Variants in PHF20 observed in about 807,000 individuals in gnomAD.
PHF20 encodes the protein PHD finger protein 20.
A neutral mutation model predicts 113.5 loss-of-function variants in PHF20; 23 were observed. The ratio of observed to expected loss-of-function variants is 0.20; its 90% CI spans 0.15 to 0.29. PHF20 has a LOEUF of 0.29. Ranked by LOEUF, PHF20 falls within the 10% of genes least tolerant of loss-of-function variation. The probability of loss-of-function intolerance (pLI) is 1.00; values close to 1 mark genes in which losing one functional copy is unlikely to be tolerated. For synonymous variants in PHF20, 434 were observed against 457.3 expected (o/e 0.95, Z 0.65); for missense variants, 943 against 1,219.6 (o/e 0.77, Z 3.38).
At chr20:35,946,640 A>C (rs2056087942) in intron 17 of PHF20, among the ~76,000 whole-genome samples, 1 of 149,948 alleles carries the variant, frequency 6.7e-6, no homozygotes, top group African/African-American at 2.4e-5. Flanking sequence ...CAACATGGGA[A>C]AGCTTTTTAT....
chr20:35,875,830 G>GA (rs2054511914), intron 9 of PHF20, among the ~76,000 whole-genome samples: 1 of 152,184 alleles, frequency 6.6e-6, no homozygotes, highest in South Asian at 2.1e-4. Flanking sequence ...GCATATAAGT[G>GA]AGGAGACTAG....
chr20:35,810,654 T>C (rs1441175148), intron 2 of PHF20, among the ~76,000 whole-genome samples: 3 of 152,156 alleles, frequency 2.0e-5, no homozygotes, highest in Non-Finnish European at 4.4e-5. Flanking sequence ...CAAAGTAGAC[T>C]GAGTTCATAG....
intron 3 of PHF20, among the ~76,000 whole-genome samples, chr20:35,846,046 C>A (rs915653042): frequency 6.6e-6 from 1 of 151,494 alleles, no homozygotes; most frequent in African/African-American, 2.4e-5. Context: ...ATTACAGGCA[C>A]GAGCCACTGT....
At chr20:35,946,621 T>C (rs1398521856) in intron 17 of PHF20, among the ~76,000 whole-genome samples, 3 of 151,406 alleles carry the variant, frequency 2.0e-5, no homozygotes, top group Non-Finnish European at 2.9e-5. Flanking sequence ...CACCAGGCTC[T>C]CTGATTTTCA....
intron 4 of PHF20, among the ~76,000 whole-genome samples, chr20:35,850,427 G>C (rs2146950184): frequency 6.8e-6 from 1 of 147,208 alleles, no homozygotes; most frequent in African/African-American, 2.5e-5. Context: ...TCCTGCCTCA[G>C]CCTCCTGAGC....
At chr20:35,885,903 A>T (rs2054721965) in intron 9 of PHF20, among the ~76,000 whole-genome samples, 1 of 152,076 alleles carries the variant, frequency 6.6e-6, no homozygotes, top group African/African-American at 2.4e-5. Flanking sequence ...TGCCTGAAAC[A>T]ATTTTTACTG....
rs909415535 is a variant in PHF20, at chr20:35,913,389, A to G, written c.1660+42A>G. 5 of 1,355,844 alleles carry G rather than the reference A, an allele frequency of 3.7e-6. No individual in the cohort carries two copies. In the African/African-American group the frequency reaches 7.3e-5, roughly 20 times the overall value. The allele number at this position is 1,355,844 out of a possible 1,614,324, so 84.0% of individuals were successfully genotyped here. ...AGGGTTTCACTTAGGTTTCCTTACT[A>G]TGAATGGGGAGGGGTTGCTTTCTCC... On this transcript the variant is annotated intron_variant, in intron 11 of 17. Transcript: ENST00000374012.
chr20:35,907,641 A>G (rs1005770366), intron 10 of PHF20, among the ~76,000 whole-genome samples: 4 of 152,136 alleles, frequency 2.6e-5, no homozygotes, highest in African/African-American at 9.7e-5. Context: ...ATCAGAACAA[A>G]CCCTCTGAGG....
At chr20:35,868,051 T>C (rs149236788) in intron 6 of PHF20, among the ~76,000 whole-genome samples, 2,843 of 152,174 alleles carry the variant, frequency 0.019, 92 homozygotes, top group African/African-American at 0.066. Context: ...CTCAGCACTT[T>C]GGGAGGTCAA....
chr20:35,781,152 T>A (rs1053039772), intron 1 of PHF20, among the ~76,000 whole-genome samples: 2 of 149,172 alleles, frequency 1.3e-5, no homozygotes, highest in African/African-American at 5.0e-5. Flanking sequence ...TTATTCTTTT[T>A]TTTTTTTCTG....
At chr20:35,925,888 C>T (rs1415351748) in intron 13 of PHF20, among the ~76,000 whole-genome samples, 4 of 151,592 alleles carry the variant, frequency 2.6e-5, no homozygotes, top group Non-Finnish European at 4.4e-5. Context: ...TTTGGGAGGC[C>T]GAGGCAGGCG....
intron 11 of PHF20, 43 bp from the exon 12 acceptor site, chr20:35,913,990 G>A: frequency 6.3e-7 from 1 of 1,594,816 alleles, no homozygotes; most frequent in Non-Finnish European, 8.6e-7. Context: ...ATGCACCAGT[G>A]TTAACTAGGG....
intron 4 of PHF20, among the ~76,000 whole-genome samples, chr20:35,852,722 C>T (rs569710139): frequency 1.3e-5 from 2 of 151,746 alleles, no homozygotes; most frequent in South Asian, 4.2e-4. Flanking sequence ...TGTCAGCCTC[C>T]CGAGTAGCTG....
chr20:35,853,996 C>T (rs957467349), intron 4 of PHF20, among the ~76,000 whole-genome samples: 11 of 151,962 alleles, frequency 7.2e-5, no homozygotes, highest in Admixed American at 3.3e-4. Context: ...TCAAGTGATC[C>T]GCCCGCCTCC....
At chr20:35,778,753 CAA>C (rs199913263) in intron 1 of PHF20, among the ~76,000 whole-genome samples, 210 of 108,786 alleles carry the variant, frequency 1.9e-3, no homozygotes, top group African/African-American at 5.3e-3. Context: ...AACTGTGTCT[CAA>C]AAAAAAAAAA....
chr20:35,917,196 T>C, intron 12 of PHF20: 1 of 476,896 alleles, frequency 2.1e-6, no homozygotes, highest in Non-Finnish European at 4.1e-6. Flanking sequence ...TGGGGAGTTG[T>C]AGCTCCTCTG....
At chr20:35,855,294 A>G (rs2146958624) in intron 4 of PHF20, 2 of 1,308,712 alleles carry the variant, frequency 1.5e-6, no homozygotes, top group Admixed American at 2.0e-5. Context: ...CCTTTGTTGT[A>G]AGTACTCATA....
intron 17 of PHF20, 112 bp from the exon 18 acceptor site, chr20:35,947,373 C>T (rs2056104302): frequency 8.7e-7 from 1 of 1,145,678 alleles, no homozygotes; most frequent in Non-Finnish European, 1.2e-6. Context: ...TGAAATGGCC[C>T]TTCCTCCCTT....
At chr20:35,914,544 A>G (rs1165674127) in intron 12 of PHF20, among the ~76,000 whole-genome samples, 1 of 152,252 alleles carries the variant, frequency 6.6e-6, no homozygotes, top group Non-Finnish European at 1.5e-5. Flanking sequence ...ATGCACAGCA[A>G]ACTAAACGAT....
Sources: gnomAD v4.1 joint callset for allele counts (sites outside exome capture counted in the v4.1 genomes callset) on GRCh38, gnomAD v4.1.1 for gene constraint, MANE v1.5 for transcripts, NCBI Gene and HGNC (gene_info 2026-07-23, HGNC 2026-07-21) for gene names.